Variants in GLP2R observed in about 807,000 individuals in gnomAD.
The protein encoded by GLP2R is glucagon like peptide 2 receptor, also known as glucagon-like peptide 2 receptor.
A neutral mutation model predicts 68.2 loss-of-function variants in GLP2R; 59 were observed. The observed-to-expected ratio is 0.87, with a 90% CI of 0.70 to 1.07. The LOEUF (loss-of-function observed/expected upper bound fraction) is 1.07, where lower values mean the gene tolerates loss of function less well. Among genes scored for constraint, GLP2R ranks in the 50% least tolerant of loss-of-function variants. The pLI is 0.00. For missense variants in GLP2R, 548 were observed against 677.4 expected, an observed-to-expected ratio of 0.81 and a Z score of 2.12; for synonymous variants, 270 against 265.4, an observed-to-expected ratio of 1.02 and a Z score of -0.17.
intron 3 of GLP2R, among the ~76,000 whole-genome samples, chr17:9,841,552 ACT>A (rs901474998): frequency 4.6e-5 from 7 of 151,784 alleles, no homozygotes; most frequent in Admixed American, 2.0e-4. Context: ...GGGGAGGGTG[ACT>A]CTGAAGTTTA....
In GLP2R at chr17:9,867,076, A is replaced by G. The variant is rs975863782; in HGVS notation, c.1057-3671A>G. The G allele has an allele frequency of 3.3e-5, 5 of 152,276 alleles. No individual in the cohort carries two copies. In the South Asian group the frequency reaches 1.0e-3, roughly 32 times the overall value. The allele number at this position is 152,276 out of a possible 1,614,324, so 9.4% of individuals were successfully genotyped here. ...GAGTAACAATAATCAAGACTGAGCT[A>G]GTAGCACTTGGCATTTCTAGGTACT... On this transcript the variant is annotated intron_variant, in intron 9 of 12. Transcript: ENST00000262441.
intron 1 of GLP2R, among the ~76,000 whole-genome samples, chr17:9,827,789 C>T (rs958491034): frequency 4.6e-5 from 7 of 151,936 alleles, no homozygotes; most frequent in Admixed American, 1.3e-4. Context: ...GGTGAAACCC[C>T]GTCTGTACTA....
intron 8 of GLP2R, 72 bp from the exon 9 acceptor site, chr17:9,861,949 G>A (rs2066991160): frequency 2.0e-6 from 2 of 1,008,912 alleles, no homozygotes; most frequent in Middle Eastern, 4.1e-4. Flanking sequence ...CTTCCAGAGA[G>A]CATGAGGCTT....
intron 11 of GLP2R, among the ~76,000 whole-genome samples, chr17:9,884,190 G>A (rs1173738286): frequency 6.6e-6 from 1 of 152,148 alleles, no homozygotes; most frequent in East Asian, 1.9e-4. Context: ...GATGCATGTT[G>A]TAATCCCTGG....
intron 9 of GLP2R, among the ~76,000 whole-genome samples, chr17:9,864,063 A>G (rs751846717): frequency 3.9e-5 from 6 of 152,158 alleles, no homozygotes; most frequent in African/African-American, 1.2e-4. Flanking sequence ...AGCTACACCA[A>G]TGGTTCTCAA....
At chr17:9,845,150 C>T (rs115422850) in intron 4 of GLP2R, among the ~76,000 whole-genome samples, 20 of 151,992 alleles carry the variant, frequency 1.3e-4, no homozygotes, top group African/African-American at 4.8e-4. Context: ...CCTCCACCTT[C>T]CAGGCTCAAG....
chr17:9,880,496 T>C lies in GLP2R; in HGVS notation c.1264T>C (p.Leu422=). Residue 422 remains leucine (L), a synonymous_variant, in exon 11 of 13, where the codon TTG becomes CTG. Coordinates refer to ENST00000262441, the MANE Select transcript of GLP2R (RefSeq NM_004246.3). ...FAKLIRLFIQ[L]TLSSFHGFLV... The stretch of plus-strand genomic sequence containing the variant: ...AAAACTTATACGACTTTTCATTCAG[T>C]TGACACTGAGCTCCTTTCATGTAAG... The C allele has an allele frequency of 1.9e-6, 3 of 1,604,178 alleles. No individual in the cohort carries two copies. Among genetic ancestry groups the C allele is most frequent in the Non-Finnish European group, 2.6e-6 (3 of 1,174,062 alleles).
chr17:9,864,533 G>GT (rs1385734284), intron 9 of GLP2R, among the ~76,000 whole-genome samples: 1 of 151,294 alleles, frequency 6.6e-6, no homozygotes, highest in Admixed American at 6.6e-5. Context: ...TTTGTTTTTT[G>GT]TTTTTTTGAG....
intron 8 of GLP2R, 110 bp downstream of exon 8, chr17:9,861,309 T>C: frequency 1.3e-6 from 1 of 761,592 alleles, no homozygotes; most frequent in East Asian, 2.5e-5. Context: ...CCTTCTCATT[T>C]TGGCCATCTA....
intron 2 of GLP2R, among the ~76,000 whole-genome samples, chr17:9,834,323 G>C (rs1035352821): frequency 2.0e-5 from 3 of 152,052 alleles, no homozygotes; most frequent in African/African-American, 7.2e-5. Context: ...GGCCGTCTTT[G>C]ATAAAAGCCA....
chr17:9,852,065 T>G (rs969983427), intron 4 of GLP2R, among the ~76,000 whole-genome samples: 1 of 151,862 alleles, frequency 6.6e-6, no homozygotes, highest in African/African-American at 2.4e-5. Context: ...TTTTTGTTTT[T>G]TTTTTTACTT....
intron 4 of GLP2R, chr17:9,852,803 C>CATA (rs1158512291): frequency 4.2e-6 from 1 of 240,756 alleles, no homozygotes; most frequent in Non-Finnish European, 7.7e-6. Context: ...TCTTCTTCAA[C>CATA]ATCATCATCT....
chr17:9,848,420 G>T (rs1004503038), intron 4 of GLP2R, among the ~76,000 whole-genome samples: 1 of 152,036 alleles, frequency 6.6e-6, no homozygotes, highest in South Asian at 2.1e-4. Context: ...TGAGCCAATT[G>T]GTCTGTAGGG....
intron 3 of GLP2R, among the ~76,000 whole-genome samples, chr17:9,839,259 T>C (rs57789133): frequency 1.3e-5 from 2 of 152,080 alleles, no homozygotes; most frequent in South Asian, 4.1e-4. Context: ...GTCTGGATTC[T>C]GGCAAGGGCA....
At chr17:9,848,894 T>TGTGTGTGTGTGTGC (rs934712218) in intron 4 of GLP2R, among the ~76,000 whole-genome samples, 1 of 149,196 alleles carries the variant, frequency 6.7e-6, no homozygotes, top group African/African-American at 2.5e-5. Flanking sequence ...TGTGTGTGTG[T>TGTGTGTGTGTGTGC]GCGCTCACAT....
chr17:9,849,607 CTTTTTTTTTTTT>C (rs57795068), intron 4 of GLP2R, among the ~76,000 whole-genome samples: 2 of 87,118 alleles, frequency 2.3e-5, no homozygotes, highest in Admixed American at 1.7e-4. Context: ...TTTTCTCTTT[CTTTTTTTTTTTT>C]TTTTTTTTTT....
chr17:9,887,768 T>C (rs1344095993), intron 11 of GLP2R, among the ~76,000 whole-genome samples, 164 bp from the exon 12 acceptor site: 1 of 152,128 alleles, frequency 6.6e-6, no homozygotes, highest in Non-Finnish European at 1.5e-5. Context: ...GAAATCCAAG[T>C]TAATGTAACC....
chr17:9,852,544 A>G (rs1340664820), intron 4 of GLP2R, among the ~76,000 whole-genome samples: 1 of 152,226 alleles, frequency 6.6e-6, no homozygotes, highest in South Asian at 2.1e-4. Context: ...TAGGAAAAAA[A>G]CCTCAGCAAA....
Position 9,891,364 on chromosome 17 carries a change from A to G in GLP2R, c.*1659A>G, listed in dbSNP as rs901715378. Reference sequence around the variant, plus strand: ...TCAAAATAAATCATATTTTAATGCAATATTCTAAAAAAACAAATTAACAAA... The same window carrying G: ...TCAAAATAAATCATATTTTAATGCAGTATTCTAAAAAAACAAATTAACAAA... On this transcript the variant is annotated 3_prime_UTR_variant, in exon 13 of 13. Transcript: ENST00000262441. 6.6e-6 allele frequency: 1 copy of G among 152,228 alleles called. No individual in the cohort carries two copies. The highest frequency in any genetic ancestry group is 1.5e-5 in the Non-Finnish European group (1 of 68,044). 9.4% of individuals were successfully genotyped at this position (152,228 alleles called of 1,614,324 possible). A position where few individuals can be genotyped will look rare whatever the true frequency, so the allele number is the denominator to read the frequency against.
Sources: gnomAD v4.1 joint callset for allele counts (sites outside exome capture counted in the v4.1 genomes callset) on GRCh38, gnomAD v4.1.1 for gene constraint, MANE v1.5 for transcripts, NCBI Gene and HGNC (gene_info 2026-07-23, HGNC 2026-07-21) for gene names.